The following ACOXL variants were observed in gnomAD, a reference collection of about 807,000 sequenced individuals.
ACOXL encodes the protein acyl-CoA oxidase like.
A neutral mutation model predicts 71.9 loss-of-function variants in ACOXL; 70 were observed. The ratio of observed to expected loss-of-function variants is 0.97; its 90% CI spans 0.80 to 1.19. The LOEUF (loss-of-function observed/expected upper bound fraction) is 1.19, where lower values mean the gene tolerates loss of function less well. Ranked by LOEUF, ACOXL falls within the 50% of genes most tolerant of loss-of-function variation. ACOXL has a pLI of 0.00. For synonymous variants in ACOXL, 253 were observed against 281.6 expected (o/e 0.90, Z 1.02); for missense variants, 703 against 736.3 (o/e 0.95, Z 0.52).
intron 12 of ACOXL, among the ~76,000 whole-genome samples, chr2:110,947,558 C>T (rs1431899791): frequency 6.6e-6 from 1 of 152,162 alleles, no homozygotes; most frequent in African/African-American, 2.4e-5. Flanking sequence ...TTTCCTTTCC[C>T]TTTTGCTGGT....
At chr2:110,804,342 A>G (rs914806392) in intron 8 of ACOXL, among the ~76,000 whole-genome samples, 2 of 152,186 alleles carry the variant, frequency 1.3e-5, no homozygotes, top group South Asian at 4.1e-4. Context: ...ATGTAGAGAA[A>G]TTAGGACTGT....
In ACOXL at chr2:110,836,275, G is replaced by A. The variant is rs1352065917; in HGVS notation, c.754-5096G>A. 3.3e-5 allele frequency among the ~76,000 whole-genome samples: 5 copies of A among 152,306 alleles called. No individual in the cohort carries two copies. In the South Asian group the frequency reaches 1.0e-3, roughly 32 times the overall value. On this transcript the variant is annotated intron_variant, in intron 9 of 17. Transcript: ENST00000439055. ...GTGCTAGAAGGAGACCTGGGAAGGG[G>A]TTACAGAAATCTGTCCTGTGGATCA...
intron 1 of ACOXL, among the ~76,000 whole-genome samples, chr2:110,743,843 T>C (rs1289549743): frequency 6.6e-6 from 1 of 152,164 alleles, no homozygotes; most frequent in African/African-American, 2.4e-5. Flanking sequence ...CCTACACATT[T>C]CTCCTCTTCT....
intron 9 of ACOXL, among the ~76,000 whole-genome samples, chr2:110,816,368 G>A (rs910128575): frequency 5.3e-5 from 8 of 152,302 alleles, no homozygotes; most frequent in Non-Finnish European, 1.2e-4. Flanking sequence ...TGGAGATTGG[G>A]TTTGGGTCAT....
At chr2:110,917,388 T>C (rs987680249) in intron 11 of ACOXL, among the ~76,000 whole-genome samples, 2 of 152,174 alleles carry the variant, frequency 1.3e-5, no homozygotes, top group African/African-American at 4.8e-5. Flanking sequence ...AAACTAGGTA[T>C]CAGTGGAACA....
chr2:110,980,452 A>G (rs934977839), intron 12 of ACOXL, among the ~76,000 whole-genome samples: 4 of 152,180 alleles, frequency 2.6e-5, no homozygotes, highest in Admixed American at 2.6e-4. Flanking sequence ...AGAGACCCCA[A>G]GAAGGGAGAA....
rs1209255159 is a variant in ACOXL at position 111,081,758 on chromosome 2, C to T, written c.1441-11107C>T. 2.0e-5 allele frequency among the ~76,000 whole-genome samples: 3 copies of T among 152,294 alleles called. No homozygotes were observed. The East Asian group carries it at 5.8e-4, about 29-fold the overall frequency. Reference sequence around the variant, plus strand: ...GAACAAAGCTGGAGGCATCACACTACCTGACTTCAAACTATACTACAAGGC... The same window carrying T: ...GAACAAAGCTGGAGGCATCACACTATCTGACTTCAAACTATACTACAAGGC... On this transcript the variant is annotated intron_variant, in intron 16 of 17. Coordinates refer to ENST00000439055, the MANE Select transcript of ACOXL (RefSeq NM_001142807.4).
intron 16 of ACOXL, among the ~76,000 whole-genome samples, chr2:111,091,906 A>G (rs959744162): frequency 6.6e-5 from 10 of 152,226 alleles, no homozygotes; most frequent in Non-Finnish European, 4.4e-5. Flanking sequence ...TGTGAACCAC[A>G]TGACTGTGAA....
chr2:110,844,719 T>TG (rs1485246069), intron 10 of ACOXL, among the ~76,000 whole-genome samples: 9 of 151,980 alleles, frequency 5.9e-5, no homozygotes, highest in Non-Finnish European at 1.2e-4. Context: ...AGCTAATTTT[T>TG]TATTTTTAGT....
intron 12 of ACOXL, among the ~76,000 whole-genome samples, chr2:110,973,121 C>T (rs2062287618): frequency 2.0e-5 from 3 of 152,198 alleles, no homozygotes; most frequent in Non-Finnish European, 4.4e-5. Flanking sequence ...ATATGCCCAT[C>T]CTGATTGGCA....
chr2:110,869,493 C>CTT (rs1365286144), intron 10 of ACOXL, among the ~76,000 whole-genome samples: 4 of 152,168 alleles, frequency 2.6e-5, no homozygotes, highest in African/African-American at 9.7e-5. Context: ...GGTGGGTGAG[C>CTT]TTCCTGGCGG....
At chr2:110,929,956 G>A (rs1003710644) in intron 11 of ACOXL, among the ~76,000 whole-genome samples, 3 of 152,238 alleles carry the variant, frequency 2.0e-5, no homozygotes, top group African/African-American at 7.2e-5. Context: ...TGCTGCAGGG[G>A]CGGGGCCCTC....
intron 11 of ACOXL, among the ~76,000 whole-genome samples, chr2:110,920,736 A>G (rs1398939585): frequency 6.6e-6 from 1 of 152,040 alleles, no homozygotes; most frequent in Non-Finnish European, 1.5e-5. Flanking sequence ...AAGATAGATG[A>G]TGTTTTTCTT....
intron 15 of ACOXL, among the ~76,000 whole-genome samples, chr2:111,037,784 C>T (rs1558897764): frequency 6.6e-6 from 1 of 152,140 alleles, no homozygotes; most frequent in Non-Finnish European, 1.5e-5. Flanking sequence ...ACAGCTTTCC[C>T]CAGACAGACA....
intron 10 of ACOXL, among the ~76,000 whole-genome samples, chr2:110,891,040 A>G (rs1242274015): frequency 6.9e-6 from 1 of 145,918 alleles, no homozygotes; most frequent in Admixed American, 6.9e-5. Context: ...AGCAGCTATT[A>G]TAAATGGAAT....
At chr2:111,113,301 C>G (rs2070120978) in intron 17 of ACOXL, 1 of 152,150 alleles carries the variant, frequency 6.6e-6, no homozygotes, top group Admixed American at 6.5e-5. Context: ...TGGGTTGATA[C>G]CTGATAGAGT....
At chr2:110,919,362 C>T (rs1035311802) in intron 11 of ACOXL, among the ~76,000 whole-genome samples, 1 of 143,164 alleles carries the variant, frequency 7.0e-6, no homozygotes, top group African/African-American at 2.6e-5. Context: ...ACAATGAGAA[C>T]ACATGGACAC....
rs1031049194 is a variant in ACOXL, at chr2:110,801,698, G to T, written c.594G>T (p.Arg198=). 1.9e-6 allele frequency: 3 copies of T among 1,614,034 alleles called. No homozygotes were observed. Among genetic ancestry groups the T allele is most frequent in the African/African-American group, 2.7e-5 (2 of 74,910 alleles). The change falls in exon 8 of 18, where the codon CGG becomes CGT. Residue 198 remains arginine, a synonymous_variant. Coordinates refer to ENST00000439055, the MANE Select transcript of ACOXL (RefSeq NM_001142807.4). ...DNGILIFDKV[R]IPRENLLDKF... is the part of the protein sequence containing the mutation. ...GGATATTAATATTTGACAAGGTTCG[G>T]ATACCCAGGGAGAACCTGCTGGATA...
chr2:110,745,030 C>T (rs1420780302), intron 1 of ACOXL, among the ~76,000 whole-genome samples: 2 of 152,234 alleles, frequency 1.3e-5, no homozygotes, highest in Admixed American at 1.3e-4. Context: ...AGCAACTGCC[C>T]TTTACCGTTC....
Sources: allele counts gnomAD v4.1 joint callset (sites outside exome capture counted in the v4.1 genomes callset), GRCh38; gene constraint gnomAD v4.1.1; transcripts MANE v1.5; gene names NCBI Gene and HGNC (gene_info 2026-07-23, HGNC 2026-07-21).